ATIC: variants seen among roughly 807,000 people sequenced by gnomAD.
The protein encoded by ATIC is 5-aminoimidazole-4-carboxamide ribonucleotide formyltransferase/IMP cyclohydrolase, also known as bifunctional purine biosynthesis protein ATIC.
ATIC carries 64 observed loss-of-function variants against 72.5 expected under a neutral mutation model. The observed-to-expected ratio is 0.88, with a 90% CI of 0.72 to 1.09. The LOEUF is 1.09. Ranked by LOEUF, ATIC falls within the 50% of genes least tolerant of loss-of-function variation. The pLI is 0.00. For synonymous variants in ATIC, 281 were observed against 267.1 expected (o/e 1.05, Z -0.51); for missense variants, 787 against 732.4 (o/e 1.07, Z -0.86).
In ATIC at chr2:215,345,039, A is replaced by T. The variant is rs59681683; in HGVS notation, c.1320+168A>T. The T allele has an allele frequency of 0.01, 7,264 of 720,868 alleles. 333 individuals are homozygous for T. In the African/African-American group the frequency reaches 0.1, roughly 10 times the overall value. 44.7% of individuals were successfully genotyped at this position (720,868 alleles called of 1,614,324 possible). On this transcript the variant is annotated intron_variant, in intron 13 of 15. Coordinates refer to ENST00000236959, the MANE Select transcript of ATIC (RefSeq NM_004044.7). ...GTACCCTGGTGGGCTGTTAAAACTA[A>T]TGATGATCAGAAAATATCTTTGGAA...
intron 8 of ATIC, among the ~76,000 whole-genome samples, chr2:215,332,870 C>T (rs1046374002): frequency 3.3e-5 from 5 of 152,126 alleles, no homozygotes; most frequent in Admixed American, 2.0e-4. Context: ...TTCTTATAGT[C>T]GTTGTATGAG....
intron 4 of ATIC, among the ~76,000 whole-genome samples, chr2:215,322,631 G>T (rs534754904): frequency 1.3e-5 from 2 of 151,968 alleles, no homozygotes; most frequent in African/African-American, 4.8e-5. Flanking sequence ...CGCACCCGGC[G>T]TGTGTACATT....
intron 12 of ATIC, among the ~76,000 whole-genome samples, chr2:215,340,350 A>C (rs2053006037): frequency 6.6e-6 from 1 of 152,206 alleles, no homozygotes; most frequent in Admixed American, 6.5e-5. Flanking sequence ...TAAAGAATGG[A>C]CAAGCTGACA....
chr2:215,322,469 A>G (rs1296140335), intron 4 of ATIC, among the ~76,000 whole-genome samples: 1 of 150,944 alleles, frequency 6.6e-6, no homozygotes, highest in Admixed American at 6.6e-5. Flanking sequence ...AGCTGTGATT[A>G]CAGGTGCCCG....
At chr2:215,351,257 C>T (rs908085818), downstream of ATIC, among the ~76,000 whole-genome samples, 4 of 152,214 alleles carry the variant, frequency 2.6e-5, no homozygotes, top group African/African-American at 9.7e-5. Context: ...CTGGCTTCAA[C>T]CTCTTCAGAG....
downstream of ATIC, among the ~76,000 whole-genome samples, chr2:215,352,248 A>C (rs1166514312): frequency 6.6e-6 from 1 of 152,228 alleles, no homozygotes; most frequent in Non-Finnish European, 1.5e-5. Flanking sequence ...AGGGGAAATT[A>C]GGTGTGATGT....
chr2:215,321,997 G>A (rs571531769), intron 4 of ATIC, among the ~76,000 whole-genome samples: 3 of 151,946 alleles, frequency 2.0e-5, no homozygotes, highest in South Asian at 2.1e-4. Context: ...TCCACCTCCC[G>A]GATTCAAGCG....
chr2:215,322,329 CTTTT>C (rs762086501), intron 4 of ATIC, among the ~76,000 whole-genome samples: 3 of 137,270 alleles, frequency 2.2e-5, no homozygotes. Flanking sequence ...TATTTTCTTT[CTTTT>C]TTTTTTTTTT....
chr2:215,368,035 G>T, the ATIC span: 2 of 1,614,018 alleles, frequency 1.2e-6, no homozygotes. Flanking sequence ...TGACTATGAA[G>T]AAAAGGAAGA....
At chr2:215,320,147 G>A (rs2052752094) in intron 4 of ATIC, among the ~76,000 whole-genome samples, 1 of 152,108 alleles carries the variant, frequency 6.6e-6, no homozygotes, top group Non-Finnish European at 1.5e-5. Flanking sequence ...CAGATTTCAG[G>A]TTTTCATATT....
At chr2:215,318,126 A>AG (rs774936617) in intron 2 of ATIC, 31 bp from the exon 3 acceptor site, 4 of 1,579,020 alleles carry the variant, frequency 2.5e-6, no homozygotes, top group Non-Finnish European at 3.5e-6. Context: ...CAGCCACACC[A>AG]GTAGTACCAT....
chr2:215,330,828 A>C (rs1376152798), intron 7 of ATIC, among the ~76,000 whole-genome samples: 2 of 151,396 alleles, frequency 1.3e-5, no homozygotes, highest in Admixed American at 1.3e-4. Flanking sequence ...ACAGGCATGC[A>C]CCACCATGCC....
chr2:215,337,883 T>C (rs1033425004), intron 11 of ATIC, among the ~76,000 whole-genome samples: 2 of 152,208 alleles, frequency 1.3e-5, no homozygotes, highest in African/African-American at 2.4e-5. Context: ...AGTTTGCACA[T>C]TGGACGCATG....
intron 4 of ATIC, among the ~76,000 whole-genome samples, chr2:215,322,390 C>T (rs1353263544): frequency 6.2e-5 from 9 of 144,382 alleles, no homozygotes; most frequent in African/African-American, 2.6e-5. Flanking sequence ...AGTGCAGTGG[C>T]GTGATCTCGG....
At chr2:215,353,667 T>C (rs1383542278), downstream of ATIC, among the ~76,000 whole-genome samples, 1 of 152,144 alleles carries the variant, frequency 6.6e-6, no homozygotes, top group African/African-American at 2.4e-5. Flanking sequence ...GTTCAATTGA[T>C]TCTCCTGCCT....
rs1445608506 is a variant in ATIC, at chr2:215,346,836, G to T, written c.1398G>T (p.Trp466Cys). The T allele has an allele frequency of 1.2e-6, 2 of 1,614,164 alleles. No individual in the cohort carries two copies. The highest frequency in any genetic ancestry group is 2.2e-5 in the East Asian group (1 of 44,876). The change falls in exon 14 of 16, where the codon TGG (tryptophan) becomes TGT (cysteine). Residue 466 changes from tryptophan to cysteine, a missense_variant. Transcript: ENST00000236959. ...RLAGDKANYW[W>C]LRHHPQVLSM... The stretch of plus-strand genomic sequence containing the variant: ...CAGGAGATAAGGCAAACTATTGGTG[G>T]CTTAGACACCATCCACAAGTGCTTT...
the ATIC span, among the ~76,000 whole-genome samples, chr2:215,358,620 T>C: frequency 6.6e-6 from 1 of 152,246 alleles, no homozygotes; most frequent in Non-Finnish European, 1.5e-5. Flanking sequence ...TGCTGAGAAA[T>C]GATCAGTACA....
intron 12 of ATIC, among the ~76,000 whole-genome samples, chr2:215,343,978 CT>C (rs2053046167): frequency 6.6e-6 from 1 of 152,166 alleles, no homozygotes; most frequent in Admixed American, 6.5e-5. Flanking sequence ...ACAGTTTCAA[CT>C]TAAGTTATTC....
At chr2:215,329,140 A>G (rs1157069242) in intron 7 of ATIC, among the ~76,000 whole-genome samples, 2 of 152,144 alleles carry the variant, frequency 1.3e-5, no homozygotes, top group East Asian at 1.9e-4. Flanking sequence ...GCAACCTGAC[A>G]TTTTGCACAA....
Sources: gnomAD v4.1 joint callset for allele counts (sites outside exome capture counted in the v4.1 genomes callset) on GRCh38, gnomAD v4.1.1 for gene constraint, MANE v1.5 for transcripts, NCBI Gene and HGNC (gene_info 2026-07-23, HGNC 2026-07-21) for gene names.